The following CFAP141 variants were observed in gnomAD, a reference collection of about 807,000 sequenced individuals.
CFAP141 encodes cilia- and flagella-associated protein 141.
At chr1:154,199,608 C>T in the CFAP141 span, 4 of 946,236 alleles carry the variant, frequency 4.2e-6, no homozygotes, top group African/African-American at 3.3e-5. Flanking sequence ...AGTTGTTTTC[C>T]CATTATTTGT....
the CFAP141 span, among the ~76,000 whole-genome samples, chr1:154,204,034 C>T: frequency 6.6e-6 from 1 of 151,996 alleles, no homozygotes. Context: ...GAGGTTGCAG[C>T]GAGCTGAGAT....
the CFAP141 span, among the ~76,000 whole-genome samples, chr1:154,201,822 G>A: frequency 6.6e-6 from 1 of 152,054 alleles, no homozygotes; most frequent in East Asian, 1.9e-4. Context: ...CCAGGCCAGA[G>A]TGCAATGGCC....
chr1:154,202,173 T>G, the CFAP141 span, among the ~76,000 whole-genome samples: 2 of 151,504 alleles, frequency 1.3e-5, no homozygotes, highest in Admixed American at 1.3e-4. Context: ...CCTGACCTCA[T>G]GTAATCCACC....
At chr1:154,205,056 T>C in the CFAP141 span, among the ~76,000 whole-genome samples, 1 of 150,702 alleles carries the variant, frequency 6.6e-6, no homozygotes, top group South Asian at 2.1e-4. Flanking sequence ...TAACTTCTTT[T>C]GTATTTTAGT....
chr1:154,202,321 C>G, the CFAP141 span, among the ~76,000 whole-genome samples: 6 of 152,170 alleles, frequency 3.9e-5, no homozygotes, highest in East Asian at 1.2e-3. Context: ...AGTGATCAGC[C>G]TGCCTCAGCC....
the CFAP141 span, among the ~76,000 whole-genome samples, chr1:154,205,829 G>A: frequency 2.0e-5 from 3 of 151,768 alleles, no homozygotes; most frequent in East Asian, 1.9e-4. Context: ...CTCAGCCTCC[G>A]AGTAGCTGAG....
chr1:154,199,398 A>C, the CFAP141 span: 1 of 1,472,780 alleles, frequency 6.8e-7, no homozygotes, highest in Non-Finnish European at 9.4e-7. Context: ...AGGCATGTTG[A>C]GAATGGAAGA....
the CFAP141 span, chr1:154,200,677 T>A: frequency 7.2e-7 from 1 of 1,384,980 alleles, no homozygotes; most frequent in Non-Finnish European, 9.9e-7. Context: ...TGTTTCTTTT[T>A]TCTTTTTCTT....
At chr1:154,203,191 A>G in the CFAP141 span, among the ~76,000 whole-genome samples, 2 of 22,310 alleles carry the variant, frequency 9.0e-5, no homozygotes, top group South Asian at 2.4e-3. Context: ...ATATATATAT[A>G]TATATATATA....
At chr1:154,199,375 A>G in the CFAP141 span, 2 of 1,261,004 alleles carry the variant, frequency 1.6e-6, no homozygotes, top group Admixed American at 2.0e-5. Context: ...AGGTTCTAGA[A>G]GGCTAGGTTA....
the CFAP141 span, chr1:154,199,470 T>C: frequency 6.2e-7 from 1 of 1,613,340 alleles, no homozygotes; most frequent in South Asian, 1.1e-5. Flanking sequence ...CTGATTTAGT[T>C]CCTGCTGGTA....
chr1:154,204,876 T>G, the CFAP141 span, among the ~76,000 whole-genome samples: 7 of 150,536 alleles, frequency 4.7e-5, no homozygotes, highest in South Asian at 2.1e-4. Flanking sequence ...TCAGTGTTTT[T>G]TTTTTTTTTT....
the CFAP141 span, chr1:154,199,492 C>T: frequency 1.2e-6 from 2 of 1,613,404 alleles, no homozygotes; most frequent in African/African-American, 1.3e-5. Flanking sequence ...TGCTGATGCT[C>T]CTTTTCAAAC....
At chr1:154,203,657 A>T in the CFAP141 span, among the ~76,000 whole-genome samples, 1 of 152,028 alleles carries the variant, frequency 6.6e-6, no homozygotes, top group South Asian at 2.1e-4. Context: ...CACTCAAGTG[A>T]TCCTCTGCCT....
the CFAP141 span, among the ~76,000 whole-genome samples, chr1:154,204,237 T>TA: frequency 1.3e-5 from 2 of 152,222 alleles, no homozygotes; most frequent in Non-Finnish European, 2.9e-5. Flanking sequence ...TAAATTTTGA[T>TA]AGATTTTATC....
the CFAP141 span, chr1:154,205,721 TG>T: frequency 4.8e-6 from 6 of 1,250,520 alleles, no homozygotes; most frequent in Non-Finnish European, 3.5e-6. Context: ...TTTTTTTTTT[TG>T]AGACAGAGTT....
At chr1:154,200,318 T>C in the CFAP141 span, 1 of 813,500 alleles carries the variant, frequency 1.2e-6, no homozygotes, top group Admixed American at 2.5e-5. Context: ...GTTAGAGTTG[T>C]GTTGCTCTGG....
chr1:154,203,204 TATATATATATATATATATATATATA>T, the CFAP141 span, among the ~76,000 whole-genome samples: 1 of 74,054 alleles, frequency 1.4e-5, no homozygotes, highest in Non-Finnish European at 2.8e-5. Context: ...TATATATATA[TATATATATATATATATATATATATA>T]TATATACTTT....
chr1:154,199,540 G>C, the CFAP141 span: 1 of 1,567,140 alleles, frequency 6.4e-7, no homozygotes, highest in Admixed American at 1.8e-5. Context: ...TGGTGGAGAG[G>C]GCAGAATAGA....
Sources: allele counts gnomAD v4.1 joint callset (sites outside exome capture counted in the v4.1 genomes callset), GRCh38; gene constraint gnomAD v4.1.1; transcripts MANE v1.5; gene names NCBI Gene and HGNC (gene_info 2026-07-23, HGNC 2026-07-21).